The following COL23A1 variants were observed in gnomAD, a reference collection of about 807,000 sequenced individuals.
COL23A1 encodes collagen type XXIII alpha 1 chain.
Under a neutral mutation model 99.3 loss-of-function variants are expected in COL23A1, and 97 were observed. That is an observed-to-expected ratio of 0.98 (90% CI 0.83 to 1.16). The LOEUF (loss-of-function observed/expected upper bound fraction) is 1.16. COL23A1 is among the 50% of genes most tolerant of loss of function. The pLI, the probability that COL23A1 is intolerant of heterozygous loss-of-function variation, is 0.00. For synonymous variants in COL23A1, 320 were observed against 308.2 expected (o/e 1.04, Z -0.40); for missense variants, 762 against 757.4 (o/e 1.01, Z -0.07).
intron 2 of COL23A1, among the ~76,000 whole-genome samples, chr5:178,487,291 TA>T (rs757476926): frequency 0.083 from 9,087 of 108,972 alleles, 498 homozygotes; most frequent in African/African-American, 0.2. Context: ...GCCTCAGTTT[TA>T]TTTATTTATT....
chr5:178,362,526 C>T (rs1252030660), intron 2 of COL23A1, among the ~76,000 whole-genome samples: 2 of 152,178 alleles, frequency 1.3e-5, no homozygotes, highest in Non-Finnish European at 2.9e-5. Context: ...ACTCTCAGTC[C>T]ACCTGGATTT....
chr5:178,367,280 G>A (rs533000305), intron 2 of COL23A1, among the ~76,000 whole-genome samples: 15 of 152,204 alleles, frequency 9.9e-5, no homozygotes, highest in African/African-American at 3.6e-4. Flanking sequence ...TTAAGCTGAC[G>A]GGAGCTCCAC....
intron 2 of COL23A1, among the ~76,000 whole-genome samples, chr5:178,522,659 G>C (rs1760012925): frequency 6.6e-6 from 1 of 152,218 alleles, no homozygotes; most frequent in Admixed American, 6.5e-5. Context: ...AACGGGGACA[G>C]TGGTGGAGGG....
intron 2 of COL23A1, among the ~76,000 whole-genome samples, chr5:178,509,384 C>A (rs1759072158): frequency 6.6e-6 from 1 of 152,126 alleles, no homozygotes; most frequent in Non-Finnish European, 1.5e-5. Context: ...CCATGCCCGG[C>A]TAATTTTTTT....
chr5:178,245,560 A>G (rs915538343), intron 25 of COL23A1, among the ~76,000 whole-genome samples: 1 of 143,326 alleles, frequency 7.0e-6, no homozygotes, highest in Non-Finnish European at 1.5e-5. Context: ...TCACCCATCC[A>G]TCCATTCACC....
intron 1 of COL23A1, among the ~76,000 whole-genome samples, chr5:178,586,832 CA>C (rs141098164): frequency 0.018 from 2,783 of 152,188 alleles, 87 homozygotes; most frequent in African/African-American, 0.062. Flanking sequence ...GACAAACCAC[CA>C]AAGAGGCTGA....
chr5:178,382,108 G>A (rs1763413490), intron 2 of COL23A1, among the ~76,000 whole-genome samples: 1 of 152,102 alleles, frequency 6.6e-6, no homozygotes, highest in Non-Finnish European at 1.5e-5. Context: ...CGGGGGGAAT[G>A]GGTGGGGCAT....
intron 27 of COL23A1, among the ~76,000 whole-genome samples, chr5:178,241,783 TGAGGGGCTGGGCCTCCAGCTCTACA>T (rs1220833162): frequency 6.6e-6 from 1 of 152,168 alleles, no homozygotes; most frequent in Non-Finnish European, 1.5e-5. Context: ...GGGTGAAGAA[TGAGGGGCTGGGCCTCCAGCTCTACA>T]GAGGGGCTGG....
chr5:178,324,336 C>T (rs549790809), intron 2 of COL23A1, among the ~76,000 whole-genome samples: 14 of 152,126 alleles, frequency 9.2e-5, no homozygotes, highest in Non-Finnish European at 1.8e-4. Context: ...TTCTCTTTTA[C>T]GAAATATTTC....
rs1323466510 is a variant in COL23A1 at position 178,589,099 on chromosome 5, AAAGGTGGC to A, written c.294+797_294+804del. Among the ~76,000 whole-genome samples, 2 of 152,178 alleles carry A rather than the reference AAAGGTGGC, an allele frequency of 1.3e-5. No homozygotes were observed. Among genetic ancestry groups the A allele is most frequent in the African/African-American group, 4.8e-5 (2 of 41,454 alleles). ...TGCTGGGTGAGGGCTTGGAGGACCC[AAAGGTGGC>A]TCTTTCTTTGAAGACACACAGCAGC... On this transcript the variant is annotated intron_variant, in intron 1 of 28. Coordinates refer to ENST00000390654, the MANE Select transcript of COL23A1 (RefSeq NM_173465.4). The surrounding 1 kb of genome is among the most constrained non-coding windows in gnomAD (Gnocchi z 5.4).
intron 2 of COL23A1, among the ~76,000 whole-genome samples, chr5:178,461,678 C>T (rs1048661791): frequency 3.9e-5 from 6 of 152,158 alleles, no homozygotes; most frequent in African/African-American, 1.4e-4. Context: ...TCAGTCTCCT[C>T]ACCTGTAATA....
At chr5:178,472,600 T>C in intron 2 of COL23A1, among the ~76,000 whole-genome samples, 1 of 104,992 alleles carries the variant, frequency 9.5e-6, no homozygotes, top group East Asian at 2.1e-4. Flanking sequence ...GGGTGCCAGG[T>C]GCTTATAATG....
intron 15 of COL23A1, 117 bp downstream of exon 15, chr5:178,256,236 C>T: frequency 1.6e-6 from 1 of 630,870 alleles, no homozygotes; most frequent in Non-Finnish European, 2.5e-6. Context: ...AAGTAAAATA[C>T]TCCCAGTTCC....
intron 2 of COL23A1, among the ~76,000 whole-genome samples, chr5:178,456,391 G>A (rs761385884): frequency 1.2e-4 from 19 of 152,162 alleles, no homozygotes; most frequent in Non-Finnish European, 2.2e-4. Context: ...GACAATGAGA[G>A]AAACAGTCAA....
At chr5:178,582,176 C>T (rs1230569688) in intron 1 of COL23A1, among the ~76,000 whole-genome samples, 2 of 135,906 alleles carry the variant, frequency 1.5e-5, no homozygotes, top group Non-Finnish European at 3.0e-5. Context: ...GACTGCACTC[C>T]AGCCTGGGAG....
At position 178,590,018 on chromosome 5, in the gene COL23A1, C is replaced by T; in HGVS notation, c.180G>A (p.Ala60=). The part of the protein sequence containing the change: ...ACLLLGVQAA[A]LQGRVAALEE... ...CGAGCGCCGCCACCCGGCCCTGCAG[C>T]GCGGCCGCCTGGACACCCAGCAGCA... Residue 60 remains alanine, a synonymous_variant, in exon 1 of 29, where the codon GCG becomes GCA. Coordinates refer to ENST00000390654, the MANE Select transcript of COL23A1 (RefSeq NM_173465.4). This position sits in a 1 kb window ranked among gnomAD's most constrained non-coding sequence, Gnocchi z 5.7. 7.4e-7 allele frequency: 1 copy of T among 1,354,348 alleles called. No individual in the cohort carries two copies. The highest frequency in any genetic ancestry group is 3.1e-5 in the Admixed American group (1 of 32,488). The allele number at this position is 1,354,348 out of a possible 1,614,324, so 83.9% of individuals were successfully genotyped here.
intron 2 of COL23A1, among the ~76,000 whole-genome samples, chr5:178,483,510 C>G (rs62389450): frequency 0.066 from 9,985 of 152,286 alleles, 417 homozygotes; most frequent in Middle Eastern, 0.12. Flanking sequence ...GACTACAACT[C>G]AGAAGTGGGA....
intron 2 of COL23A1, among the ~76,000 whole-genome samples, chr5:178,338,509 G>A (rs1019532484): frequency 1.4e-5 from 2 of 139,416 alleles, no homozygotes; most frequent in African/African-American, 5.4e-5. Flanking sequence ...TGACAGCAGC[G>A]CAGCAGGTTG....
intron 2 of COL23A1, among the ~76,000 whole-genome samples, chr5:178,386,944 G>C (rs1288025386): frequency 6.6e-6 from 1 of 152,086 alleles, no homozygotes; most frequent in African/African-American, 2.4e-5. Context: ...ACATTTGAGT[G>C]GCTTCCAATA....
Sources: allele counts gnomAD v4.1 joint callset (sites outside exome capture counted in the v4.1 genomes callset), GRCh38; gene constraint gnomAD v4.1.1; non-coding constraint Gnocchi (gnomAD v3.1); transcripts MANE v1.5; gene names NCBI Gene and HGNC (gene_info 2026-07-23, HGNC 2026-07-21).